The following TCF4 variants were observed in gnomAD, a reference collection of about 807,000 sequenced individuals.
The protein encoded by TCF4 is SL3-3 enhancer factor 2.
Under a neutral mutation model 82.1 loss-of-function variants are expected in TCF4, and 3 were observed. The ratio of observed to expected loss-of-function variants is 0.04; its 90% confidence interval spans 0.02 to 0.09. The LOEUF is 0.09. TCF4 is among the 10% of genes least tolerant of loss of function. The pLI, the probability that TCF4 is intolerant of heterozygous loss-of-function variation, is 1.00. For synonymous variants in TCF4, 276 were observed against 309.6 expected, an observed-to-expected ratio of 0.89 and a Z score of 1.14; for missense variants, 518 against 852.7, an observed-to-expected ratio of 0.61 and a Z score of 4.89.
intron 3 of TCF4, among the ~76,000 whole-genome samples, chr18:55,577,220 ATATACGTT>A (rs2097538239): frequency 6.8e-6 from 1 of 146,288 alleles, no homozygotes. Flanking sequence ...ATAAATGTAT[ATATACGTT>A]TATATATTTA....
intron 6 of TCF4, among the ~76,000 whole-genome samples, chr18:55,360,731 C>CCCCTTTT (rs753933037): frequency 1.3e-5 from 1 of 74,276 alleles, no homozygotes; most frequent in Non-Finnish European, 2.4e-5. Flanking sequence ...GCCCCCCACC[C>CCCCTTTT]TTTTTTTTTT....
chr18:55,554,759 C>G (rs564185595), intron 3 of TCF4, among the ~76,000 whole-genome samples: 171 of 152,282 alleles, frequency 1.1e-3, no homozygotes, highest in African/African-American at 3.8e-3. Flanking sequence ...ACATCTTCCC[C>G]AGGCCCCAGA....
At chr18:55,381,876 G>A (rs1026195217) in intron 6 of TCF4, among the ~76,000 whole-genome samples, 1 of 149,962 alleles carries the variant, frequency 6.7e-6, no homozygotes, top group Non-Finnish European at 1.5e-5. Flanking sequence ...AGCTGGATTT[G>A]ATGATCTTTA....
At chr18:55,562,730 G>T (rs912815544) in intron 3 of TCF4, among the ~76,000 whole-genome samples, 7 of 152,000 alleles carry the variant, frequency 4.6e-5, no homozygotes, top group South Asian at 2.1e-4. Flanking sequence ...CTTGTATATG[G>T]TTAATATTTT....
chr18:55,481,992 T>C (rs2096443255), intron 3 of TCF4, among the ~76,000 whole-genome samples: 1 of 152,194 alleles, frequency 6.6e-6, no homozygotes, highest in South Asian at 2.1e-4. Flanking sequence ...GTTTCTGATA[T>C]TTATTTAATA....
rs1330136429 is a variant in TCF4 at position 55,621,668 on chromosome 18, ATAATATACATTATATAT to A, written c.286+9613_286+9629del. Among the ~76,000 whole-genome samples the A allele has an allele frequency of 2.4e-3, 73 of 30,136 alleles. 4 individuals are homozygous for A. The South Asian group carries it at 0.076, about 31-fold the overall frequency. The allele number at this position is 30,136 out of a possible 152,430, so 19.8% of individuals were successfully genotyped here. On this transcript the variant is annotated intron_variant, in intron 2 of 20. Coordinates refer to the TCF4 transcript ENST00000398339. ...ATATACATTATATAATATACATTAT[ATAATATACATTATATAT>A]TATATTATATAATATATATTATATA...
chr18:55,365,957 T>C (rs2086936756), intron 6 of TCF4, among the ~76,000 whole-genome samples: 1 of 150,634 alleles, frequency 6.6e-6, no homozygotes, highest in Non-Finnish European at 1.5e-5. Context: ...GAGCTAATTC[T>C]AAAATTGTTT....
At chr18:55,504,940 C>T (rs534180403) in intron 3 of TCF4, among the ~76,000 whole-genome samples, 2 of 152,014 alleles carry the variant, frequency 1.3e-5, no homozygotes, top group Non-Finnish European at 2.9e-5. Context: ...CATGCTAATC[C>T]TAATATTAGT....
chr18:55,514,889 G>A (rs2096866032), intron 3 of TCF4, among the ~76,000 whole-genome samples: 1 of 151,946 alleles, frequency 6.6e-6, no homozygotes, highest in Admixed American at 6.6e-5. Flanking sequence ...AATAATACAT[G>A]TGTAATATAT....
chr18:55,527,723 C>T (rs954821371), intron 3 of TCF4, among the ~76,000 whole-genome samples: 7 of 151,972 alleles, frequency 4.6e-5, no homozygotes, highest in Non-Finnish European at 8.8e-5. Context: ...TTTAGGAAAC[C>T]GATGTATATC....
chr18:55,257,376 C>A lies in TCF4; in HGVS notation c.1085G>T (p.Trp362Leu). 6.2e-7 allele frequency: 1 copy of A among 1,613,680 alleles called. No homozygotes were observed. Residue 362 changes from tryptophan to leucine, a missense_variant, in exon 14 of 20, where the codon TGG (tryptophan) becomes TTG (leucine). This residue lies in a region of TCF4 where 211 missense variants were observed against 327.4 expected (regional missense o/e 0.64). Coordinates refer to ENST00000354452, the MANE Select transcript of TCF4 (RefSeq NM_001083962.2). Reference sequence around the variant, plus strand: ...TGAGGCCTGTCCTCCATTTCTAGACCAAACAGCTGTGCCTGCTGATATTAA... The same window carrying A: ...TGAGGCCTGTCCTCCATTTCTAGACAAAACAGCTGTGCCTGCTGATATTAA... ...PPSLSAGTAV[W>L]SRNGGQASSS...
At chr18:55,465,775 A>T (rs2096003419) in intron 3 of TCF4, among the ~76,000 whole-genome samples, 1 of 152,216 alleles carries the variant, frequency 6.6e-6, no homozygotes, top group African/African-American at 2.4e-5. Flanking sequence ...TAAAAAGTGT[A>T]TAAATAACAA....
chr18:55,570,874 T>A (rs1360929294), intron 3 of TCF4, among the ~76,000 whole-genome samples: 1 of 142,854 alleles, frequency 7.0e-6, no homozygotes, highest in African/African-American at 2.6e-5. Context: ...CAGAGTGAGA[T>A]GTGAGACCCT....
chr18:55,250,921 G>C (rs927627553), intron 15 of TCF4, among the ~76,000 whole-genome samples: 3 of 152,186 alleles, frequency 2.0e-5, no homozygotes, highest in African/African-American at 7.2e-5. Context: ...AAAATGGCTA[G>C]CATGAGTGGG....
rs779494709 is a variant in TCF4 at position 55,279,541 on chromosome 18, A to G, written c.655+10T>C. On this transcript the variant is annotated intron_variant, in intron 9 of 19. Transcript: ENST00000354452. The stretch of plus-strand genomic sequence containing the variant: ...CAGTGGCCTTTCCCTCAGAAGCAGC[A>G]GCATCTTACCTTGCATGAAGAAGGA... The G allele has an allele frequency of 6.2e-7, 1 of 1,613,850 alleles. No individual in the cohort carries two copies. The highest frequency in any genetic ancestry group is 8.5e-7 in the Non-Finnish European group (1 of 1,179,826).
intron 3 of TCF4, among the ~76,000 whole-genome samples, chr18:55,561,201 T>G (rs1219312187): frequency 6.6e-6 from 1 of 152,238 alleles, no homozygotes; most frequent in Non-Finnish European, 1.5e-5. Flanking sequence ...TGCAGGTCTC[T>G]TGCCTAGCTT....
rs1236498303 is a variant in TCF4 at position 55,226,243 on chromosome 18, C to T, written c.*1792G>A. On this transcript the variant is annotated 3_prime_UTR_variant, in exon 20 of 20. Coordinates refer to ENST00000354452, the MANE Select transcript of TCF4 (RefSeq NM_001083962.2). ...ATGGATTTATGGCATTTACTCAGTG[C>T]TGATAGGTGGAAAAACTACTTGAAC... is the stretch of plus-strand genomic sequence containing the variant. The T allele has an allele frequency of 6.6e-6, 1 of 151,704 alleles. No individual in the cohort carries two copies. Among genetic ancestry groups the T allele is most frequent in the Non-Finnish European group, 1.5e-5 (1 of 67,838 alleles). The allele number at this position is 151,704 out of a possible 1,614,324, so 9.4% of individuals were successfully genotyped here.
Position 55,223,709 on chromosome 18 carries a change from CTTTT to C in TCF4, c.*4322_*4325del, listed in dbSNP as rs369444573. ...TTTTTTTTTTTTTGAAATGTTTTCCCTTTTTTTTTTTTTAACAATTTTTTTAAGT... is the reference window on the plus strand; with the variant it reads ...TTTTTTTTTTTTTGAAATGTTTTCCCTTTTTTTTTAACAATTTTTTTAAGT... On this transcript the variant is annotated 3_prime_UTR_variant, in exon 20 of 20. Transcript: ENST00000354452. The C allele has an allele frequency of 1.9e-5, 2 of 106,462 alleles. No homozygotes were observed. Among genetic ancestry groups the C allele is most frequent in the Admixed American group, 9.0e-5 (1 of 11,056 alleles). 6.6% of individuals were successfully genotyped at this position (106,462 alleles called of 1,614,324 possible).
chr18:55,265,176 C>T (rs1003791860), intron 11 of TCF4: 1 of 152,056 alleles, frequency 6.6e-6, no homozygotes, highest in Admixed American at 6.6e-5. Flanking sequence ...TAATGCACAC[C>T]CATCATCTAA....
Sources: gnomAD v4.1 joint callset for allele counts (sites outside exome capture counted in the v4.1 genomes callset) on GRCh38, gnomAD v4.1.1 for gene constraint, gnomAD v4.1.1 regional missense constraint, MANE v1.5 for transcripts, NCBI Gene and HGNC (gene_info 2026-07-23, HGNC 2026-07-21) for gene names.